The following ZNF469 variants were observed in gnomAD, a reference collection of about 807,000 sequenced individuals.
The protein encoded by ZNF469 is zinc finger protein 469.
ZNF469 carries 1 observed loss-of-function variant against 1.0 expected under a neutral mutation model. The ratio of observed to expected loss-of-function variants is 1.00; its 90% CI spans 0.35 to 4.73. ZNF469 has a LOEUF of 4.73. Ranked by LOEUF, ZNF469 falls within the 30% of genes most tolerant of loss-of-function variation. The pLI is 0.16. For missense variants in ZNF469, 6,100 were observed against 5,356.3 expected (o/e 1.14, Z -4.33); for synonymous variants, 2,703 against 2,363.4 (o/e 1.14, Z -4.17).
At chr16:88,325,280 G>A in the ZNF469 span, among the ~76,000 whole-genome samples, 2 of 146,142 alleles carry the variant, frequency 1.4e-5, no homozygotes, top group Non-Finnish European at 3.0e-5. Context: ...GGCTCCGTAA[G>A]CTGCCCGAGG....
At chr16:88,336,537 A>T in the ZNF469 span, among the ~76,000 whole-genome samples, 1 of 149,974 alleles carries the variant, frequency 6.7e-6, no homozygotes, top group Non-Finnish European at 1.5e-5. Flanking sequence ...TTCACGTGAG[A>T]CACTGATGTG....
chr16:88,401,675 GTGCA>G (rs1239208207), intron 1 of ZNF469, among the ~76,000 whole-genome samples: 3 of 66,066 alleles, frequency 4.5e-5, no homozygotes, highest in African/African-American at 1.8e-4. Context: ...GGATGGGTGA[GTGCA>G]TGGATGGATG....
At chr16:88,407,554 T>A (rs1181010499) in intron 1 of ZNF469, among the ~76,000 whole-genome samples, 1 of 152,244 alleles carries the variant, frequency 6.6e-6, no homozygotes, top group African/African-American at 2.4e-5. Flanking sequence ...CATCTTCATT[T>A]CAACCCTGTG....
At chr16:88,155,180 G>A in the ZNF469 span, among the ~76,000 whole-genome samples, 1 of 152,228 alleles carries the variant, frequency 6.6e-6, no homozygotes, top group African/African-American at 2.4e-5. Flanking sequence ...TGCAAGTCCA[G>A]AGTGGGCCAT....
the ZNF469 span, among the ~76,000 whole-genome samples, chr16:88,122,333 C>T: frequency 5.3e-5 from 8 of 151,152 alleles, no homozygotes; most frequent in Non-Finnish European, 7.4e-5. Flanking sequence ...GGTGTGGCCA[C>T]GGCAGCCACT....
At chr16:88,197,250 A>C in the ZNF469 span, among the ~76,000 whole-genome samples, 4 of 152,196 alleles carry the variant, frequency 2.6e-5, no homozygotes, top group African/African-American at 9.6e-5. Context: ...ACAGGTGCAA[A>C]GGAAGAAGCC....
chr16:88,351,368 T>C, the ZNF469 span, among the ~76,000 whole-genome samples: 10 of 152,052 alleles, frequency 6.6e-5, no homozygotes, highest in African/African-American at 2.2e-4. Context: ...TGTGCAGGCC[T>C]CCATCACCCC....
At chr16:88,344,747 A>G in the ZNF469 span, among the ~76,000 whole-genome samples, 4 of 152,166 alleles carry the variant, frequency 2.6e-5, no homozygotes, top group African/African-American at 9.6e-5. Flanking sequence ...AGGTCCCCCA[A>G]AGTGCCTGGG....
At chr16:88,264,310 T>C in the ZNF469 span, among the ~76,000 whole-genome samples, 1 of 151,558 alleles carries the variant, frequency 6.6e-6, no homozygotes, top group Non-Finnish European at 1.5e-5. Context: ...CTCATGCAGC[T>C]CAACTCCCAC....
chr16:88,342,758 C>T, the ZNF469 span, among the ~76,000 whole-genome samples: 1 of 152,186 alleles, frequency 6.6e-6, no homozygotes, highest in South Asian at 2.1e-4. Flanking sequence ...GGTGGGAGAA[C>T]GTGCATAAGT....
chr16:88,307,562 T>C, the ZNF469 span, among the ~76,000 whole-genome samples: 10 of 152,226 alleles, frequency 6.6e-5, no homozygotes. Flanking sequence ...TGGCATCTCA[T>C]TGTGGTTTTG....
At chr16:88,325,298 CG>C in the ZNF469 span, among the ~76,000 whole-genome samples, 11,443 of 150,174 alleles carry the variant, frequency 0.076, 509 homozygotes, top group African/African-American at 0.1. Context: ...AGGTGCACCC[CG>C]GGGGGCCGCA....
At chr16:88,409,874 G>GTT (rs1304726987) in intron 1 of ZNF469, among the ~76,000 whole-genome samples, 20 of 144,314 alleles carry the variant, frequency 1.4e-4, no homozygotes, top group Admixed American at 2.0e-4. Context: ...GCCGGGGGGG[G>GTT]GGGGGGGGGG....
At chr16:88,216,218 G>A in the ZNF469 span, among the ~76,000 whole-genome samples, 25 of 152,108 alleles carry the variant, frequency 1.6e-4, no homozygotes, top group East Asian at 1.7e-3. Context: ...ATTTCAGGTC[G>A]GGTGCAGTGG....
At chr16:88,337,004 C>T in the ZNF469 span, among the ~76,000 whole-genome samples, 11 of 152,194 alleles carry the variant, frequency 7.2e-5, no homozygotes, top group East Asian at 9.6e-4. Flanking sequence ...GGTTCCTCCA[C>T]GTTGCTTCAT....
the ZNF469 span, among the ~76,000 whole-genome samples, chr16:88,111,276 G>A: frequency 2.6e-5 from 4 of 152,196 alleles, no homozygotes; most frequent in South Asian, 4.1e-4. Context: ...TGGGTACGTC[G>A]TAGATGTATA....
At chr16:88,205,213 G>A in the ZNF469 span, among the ~76,000 whole-genome samples, 4,394 of 152,248 alleles carry the variant, frequency 0.029, 98 homozygotes, top group Admixed American at 0.065. This position sits in a 1 kb window ranked among gnomAD's most constrained non-coding sequence, Gnocchi z 4.2. Context: ...AATAATATCC[G>A]AATACATGAC....
chr16:88,241,066 G>C, the ZNF469 span, among the ~76,000 whole-genome samples: 1 of 152,198 alleles, frequency 6.6e-6, no homozygotes, highest in African/African-American at 2.4e-5. The surrounding 1 kb of genome is among the most constrained non-coding windows in gnomAD (Gnocchi z 4.8). Flanking sequence ...GGAGCAGCAT[G>C]GGTTAAAAGT....
the ZNF469 span, among the ~76,000 whole-genome samples, chr16:88,340,378 G>C: frequency 3.3e-5 from 5 of 152,204 alleles, no homozygotes; most frequent in Non-Finnish European, 7.4e-5. Context: ...TCATAAGCCA[G>C]ATGTCATGCG....
Sources: gnomAD v4.1 joint callset for allele counts (sites outside exome capture counted in the v4.1 genomes callset) on GRCh38, gnomAD v4.1.1 for gene constraint, Gnocchi (gnomAD v3.1) non-coding constraint, MANE v1.5 for transcripts, NCBI Gene and HGNC (gene_info 2026-07-23, HGNC 2026-07-21) for gene names.